STAG1: variants seen among roughly 807,000 people sequenced by gnomAD.
STAG1 encodes cohesin subunit SA-1.
A neutral mutation model predicts 170.9 loss-of-function variants in STAG1; 26 were observed. That is an observed-to-expected ratio of 0.15 (90% CI 0.11 to 0.21). The LOEUF is 0.21. STAG1 is among the 10% of genes least tolerant of loss of function. The probability of loss-of-function intolerance (pLI) is 1.00; values close to 1 mark genes in which losing one functional copy is unlikely to be tolerated. For synonymous variants in STAG1, 514 were observed against 497.7 expected, an observed-to-expected ratio of 1.03 and a Z score of -0.44; for missense variants, 964 against 1,509.5, an observed-to-expected ratio of 0.64 and a Z score of 5.99.
intron 20 of STAG1, 139 bp from the exon 21 acceptor site, chr3:136,418,111 T>C (rs536174494): frequency 3.0e-6 from 2 of 659,664 alleles, no homozygotes; most frequent in South Asian, 1.9e-5. Context: ...CCCAGCACTC[T>C]GGAAGGCCGC....
intron 10 of STAG1, among the ~76,000 whole-genome samples, chr3:136,476,071 C>T (rs1042068457): frequency 2.0e-5 from 3 of 152,172 alleles, no homozygotes; most frequent in African/African-American, 7.2e-5. Flanking sequence ...TTGAACTCCC[C>T]ATTTCCTCTG....
chr3:136,656,054 AT>A lies in STAG1; in HGVS notation c.-83-25074del, dbSNP rs200830808. ...GACAAATGGATAAACACAATGTGGT[AT>A]ACACAAACAATGGAGTATTATTCAG... On this transcript the variant is annotated intron_variant, in intron 1 of 33. Coordinates refer to ENST00000383202, the MANE Select transcript of STAG1 (RefSeq NM_005862.3). 7.5e-3 allele frequency among the ~76,000 whole-genome samples: 1,144 copies of A among 152,318 alleles called. 18 individuals carry two copies. The highest frequency in any genetic ancestry group is 0.026 in the African/African-American group (1,091 of 41,576).
intron 21 of STAG1, among the ~76,000 whole-genome samples, chr3:136,416,046 C>T (rs1165361339): frequency 3.3e-5 from 5 of 151,454 alleles, no homozygotes; most frequent in Admixed American, 3.3e-4. Flanking sequence ...TCTTGCTCAT[C>T]GCCCAGGCTG....
chr3:136,412,822 G>GA (rs888775433), intron 21 of STAG1, among the ~76,000 whole-genome samples: 2 of 148,110 alleles, frequency 1.4e-5, no homozygotes, highest in Admixed American at 6.8e-5. Flanking sequence ...GTCCTAGGCT[G>GA]AAAAAAAATT....
At chr3:136,381,629 T>G (rs1417955799) in intron 22 of STAG1, among the ~76,000 whole-genome samples, 1 of 152,096 alleles carries the variant, frequency 6.6e-6, no homozygotes, top group East Asian at 1.9e-4. Flanking sequence ...CAGTGAAAAA[T>G]AGGATGGGGC....
chr3:136,459,155 T>G (rs181686257), intron 13 of STAG1, among the ~76,000 whole-genome samples: 3 of 150,188 alleles, frequency 2.0e-5, no homozygotes, highest in African/African-American at 7.3e-5. Context: ...GAGGTGGAGG[T>G]TGCAGTGAGC....
chr3:136,595,160 T>C (rs1938367358), intron 4 of STAG1, among the ~76,000 whole-genome samples: 1 of 152,020 alleles, frequency 6.6e-6, no homozygotes, highest in South Asian at 2.1e-4. Context: ...TCATAACTAC[T>C]AAAGCAAAAA....
intron 6 of STAG1, among the ~76,000 whole-genome samples, chr3:136,522,132 G>C (rs1198392561): frequency 6.6e-6 from 1 of 152,180 alleles, no homozygotes; most frequent in East Asian, 1.9e-4. Context: ...ACAAGGTAGG[G>C]AATGAGGAAT....
At chr3:136,386,720 A>G (rs1180852009) in intron 22 of STAG1, among the ~76,000 whole-genome samples, 1 of 152,066 alleles carries the variant, frequency 6.6e-6, no homozygotes, top group Non-Finnish European at 1.5e-5. Flanking sequence ...ATTTTTTTGT[A>G]GAGACCAGGT....
At chr3:136,406,767 A>G (rs958924249) in intron 21 of STAG1, among the ~76,000 whole-genome samples, 3 of 152,204 alleles carry the variant, frequency 2.0e-5, no homozygotes, top group African/African-American at 7.2e-5. Context: ...AGTTAAAAAA[A>G]TAAAAAATAT....
chr3:136,660,877 G>C (rs1941555022), intron 1 of STAG1, among the ~76,000 whole-genome samples: 1 of 152,164 alleles, frequency 6.6e-6, no homozygotes, highest in South Asian at 2.1e-4. Flanking sequence ...GCTGAAGTGG[G>C]AGGACTGCTT....
chr3:136,490,012 TAG>T (rs1456162854), intron 9 of STAG1, among the ~76,000 whole-genome samples: 3 of 152,154 alleles, frequency 2.0e-5, no homozygotes, highest in Non-Finnish European at 2.9e-5. Context: ...TCAGGCTTAC[TAG>T]AGTTATTTAA....
intron 1 of STAG1, among the ~76,000 whole-genome samples, chr3:136,736,267 C>A (rs1400300856): frequency 1.3e-5 from 2 of 152,220 alleles, no homozygotes; most frequent in Non-Finnish European, 2.9e-5. Context: ...ACCTTCTAAT[C>A]CTGGTTGTTC....
At chr3:136,424,328 CTTTTTTTTTTTT>C (rs60213699) in intron 16 of STAG1, among the ~76,000 whole-genome samples, 5 of 117,194 alleles carry the variant, frequency 4.3e-5, no homozygotes, top group African/African-American at 1.3e-4. Flanking sequence ...ATGGAACGAT[CTTTTTTTTTTTT>C]TTTTTTTGAG....
At chr3:136,703,621 G>T (rs1308540891) in intron 1 of STAG1, among the ~76,000 whole-genome samples, 2 of 152,064 alleles carry the variant, frequency 1.3e-5, no homozygotes, top group Non-Finnish European at 2.9e-5. Flanking sequence ...ACAGAACATA[G>T]GCTTCAGTGA....
chr3:136,675,916 TTTC>T (rs1942115632), intron 1 of STAG1, among the ~76,000 whole-genome samples: 1 of 152,346 alleles, frequency 6.6e-6, no homozygotes, highest in South Asian at 2.1e-4. Flanking sequence ...CTCAGAAAAT[TTTC>T]TTTACAATGT....
intron 1 of STAG1, among the ~76,000 whole-genome samples, chr3:136,734,108 C>CAAAAAAA (rs11456348): frequency 2.9e-5 from 3 of 101,788 alleles, no homozygotes; most frequent in Non-Finnish European, 4.4e-5. Context: ...GACTCCATCT[C>CAAAAAAA]AAAAAAAAAA....
At chr3:136,680,476 A>G (rs941332312) in intron 1 of STAG1, among the ~76,000 whole-genome samples, 2 of 152,144 alleles carry the variant, frequency 1.3e-5, no homozygotes, top group African/African-American at 4.8e-5. Flanking sequence ...ATACAGTAAA[A>G]TGGAGTAATA....
chr3:136,561,739 A>C (rs989598372), intron 5 of STAG1, among the ~76,000 whole-genome samples: 4 of 152,050 alleles, frequency 2.6e-5, no homozygotes, highest in Non-Finnish European at 4.4e-5. Flanking sequence ...AAGAATTGTG[A>C]GGCTGGGTAT....
Sources: gnomAD v4.1 joint callset for allele counts (sites outside exome capture counted in the v4.1 genomes callset) on GRCh38, gnomAD v4.1.1 for gene constraint, MANE v1.5 for transcripts, NCBI Gene and HGNC (gene_info 2026-07-23, HGNC 2026-07-21) for gene names.